Variants in LRIG2 observed in about 807,000 individuals in gnomAD.
The protein encoded by LRIG2 is leucine-rich repeats and immunoglobulin-like domains protein 2.
In LRIG2, 93 loss-of-function variants were observed where a neutral mutation model predicts 107.8. That is an observed-to-expected ratio of 0.86 (90% CI 0.73 to 1.03). The LOEUF is 1.03. Among genes scored for constraint, LRIG2 ranks in the 50% least tolerant of loss-of-function variants. The pLI is 0.00. For synonymous variants in LRIG2, 471 were observed against 470.6 expected (o/e 1.00, Z -0.01); for missense variants, 1,226 against 1,296.0 (o/e 0.95, Z 0.83).
At chr1:113,104,084 G>C (rs1654428058) in intron 11 of LRIG2, among the ~76,000 whole-genome samples, 1 of 152,122 alleles carries the variant, frequency 6.6e-6, no homozygotes, top group Non-Finnish European at 1.5e-5. Context: ...CCTCCTCCTT[G>C]TTGGACCTTT....
chr1:113,074,572 C>T (rs1022103392), intron 1 of LRIG2, among the ~76,000 whole-genome samples: 1 of 152,148 alleles, frequency 6.6e-6, no homozygotes, highest in Non-Finnish European at 1.5e-5. Flanking sequence ...AACTGAGCAG[C>T]ACGTTTATTA....
chr1:113,102,359 C>T (rs1654342331), intron 11 of LRIG2, among the ~76,000 whole-genome samples: 1 of 151,852 alleles, frequency 6.6e-6, no homozygotes, highest in South Asian at 2.1e-4. Context: ...ACCTCTGCCT[C>T]CCGGGTTCAA....
At chr1:113,117,083 C>T (rs1219986218) in intron 16 of LRIG2, among the ~76,000 whole-genome samples, 25 of 152,170 alleles carry the variant, frequency 1.6e-4, no homozygotes. Flanking sequence ...AACCTGACAT[C>T]CCAACACGTA....
chr1:113,123,724 T>G (rs1451383311), intron 17 of LRIG2, 151 bp from the exon 18 acceptor site: 2 of 573,930 alleles, frequency 3.5e-6, no homozygotes, highest in East Asian at 2.8e-5. Flanking sequence ...CTGGTGGTGG[T>G]TTTTGTGTGT....
At chr1:113,109,027 C>T (rs1654658966) in intron 12 of LRIG2, among the ~76,000 whole-genome samples, 1 of 152,142 alleles carries the variant, frequency 6.6e-6, no homozygotes, top group African/African-American at 2.4e-5. Context: ...TCACAATGTA[C>T]TTAAAGATGG....
In LRIG2 at chr1:113,073,387, C is replaced by A; in HGVS notation, c.-20C>A. On this transcript the variant is annotated 5_prime_UTR_variant, in exon 1 of 18. Coordinates refer to ENST00000361127, the MANE Select transcript of LRIG2 (RefSeq NM_014813.3). The stretch of plus-strand genomic sequence containing the variant: ...TCTAGCAGGCAGCTCTTCTAGGCCA[C>A]GTCCAGGTCGAGGGGGAAAATGGCG... 1 of 1,600,544 alleles carries A rather than the reference C, an allele frequency of 6.2e-7. No homozygotes were observed. Among genetic ancestry groups the A allele is most frequent in the Non-Finnish European group, 8.6e-7 (1 of 1,168,632 alleles).
chr1:113,119,628 G>T (rs1434553524), intron 17 of LRIG2, 105 bp downstream of exon 17: 2 of 961,102 alleles, frequency 2.1e-6, no homozygotes, highest in Non-Finnish European at 3.1e-6. Context: ...CAAGCAGATG[G>T]GTATATAGGA....
In LRIG2 at chr1:113,114,374, G is replaced by C. The variant is rs1400087208; in HGVS notation, c.2081-53G>C. The stretch of plus-strand genomic sequence containing the variant: ...TTGGTCTAATTCAGTAGAAATTAGG[G>C]AATAAAATTGCCTAACTTTTCATTT... On this transcript the variant is annotated intron_variant, in intron 14 of 17. Coordinates refer to ENST00000361127, the MANE Select transcript of LRIG2 (RefSeq NM_014813.3). The C allele has an allele frequency of 4.2e-6, 5 of 1,179,262 alleles. No homozygotes were observed. The African/African-American group carries it at 7.7e-5, about 18-fold the overall frequency. 73.0% of individuals were successfully genotyped at this position (1,179,262 alleles called of 1,614,324 possible). A position where few individuals can be genotyped will look rare whatever the true frequency, so the allele number is the denominator to read the frequency against.
chr1:113,123,115 G>T (rs1655331236), intron 17 of LRIG2, among the ~76,000 whole-genome samples: 1 of 152,180 alleles, frequency 6.6e-6, no homozygotes. Flanking sequence ...TGACATGCTA[G>T]GAGTTGGAAG....
At chr1:113,107,191 TC>T (rs1468814109) in intron 11 of LRIG2, among the ~76,000 whole-genome samples, 8 of 152,206 alleles carry the variant, frequency 5.3e-5, no homozygotes, top group African/African-American at 1.9e-4. Flanking sequence ...AAGTACATTT[TC>T]TAACGAAGAC....
At position 113,073,429 on chromosome 1, in the gene LRIG2, T is replaced by C; in HGVS notation, c.23T>C (p.Val8Ala). The change falls in exon 1 of 18, where the codon GTC (valine) becomes GCC (alanine). Residue 8 changes from valine (V) to alanine (A), a missense_variant. Val to Ala is a moderately conservative substitution (Grantham distance 64). Coordinates refer to ENST00000361127, the MANE Select transcript of LRIG2 (RefSeq NM_014813.3). ...AAAATGGCGCCGGCGCCCCTAGGCG[T>C]CCCGGAGGAGCAGTTGCTGGGGTGT... Reference protein sequence around the residue: MAPAPLGVPEEQLLGCRS... With the variant: MAPAPLGAPEEQLLGCRS... 1 of 1,613,982 alleles carries C rather than the reference T, an allele frequency of 6.2e-7. No homozygotes were observed. The highest frequency in any genetic ancestry group is 1.3e-5 in the African/African-American group (1 of 75,028).
chr1:113,093,090 A>G (rs1243690618), intron 2 of LRIG2, 116 bp from the exon 3 acceptor site: 1 of 648,240 alleles, frequency 1.5e-6, no homozygotes, highest in African/African-American at 1.9e-5. Context: ...ATTCTGAGTC[A>G]TATTCTTTTT....
intron 1 of LRIG2, 51 bp downstream of exon 1, chr1:113,073,696 C>T (rs774125446): frequency 1.3e-6 from 2 of 1,534,956 alleles, no homozygotes; most frequent in Non-Finnish European, 1.8e-6. Flanking sequence ...AGCCTTCCCT[C>T]TACAGGGGGC....
intron 17 of LRIG2, among the ~76,000 whole-genome samples, chr1:113,121,517 G>A (rs891272123): frequency 2.0e-5 from 3 of 152,190 alleles, no homozygotes; most frequent in African/African-American, 7.2e-5. Context: ...GCTGACACGG[G>A]TGGATCATGA....
At chr1:113,084,032 TAATAATAA>T (rs1319720107) in intron 1 of LRIG2, among the ~76,000 whole-genome samples, 56 of 143,504 alleles carry the variant, frequency 3.9e-4, no homozygotes, top group South Asian at 1.6e-3. Flanking sequence ...ATAATAATAA[TAATAATAA>T]TATTGGCCTT....
chr1:113,114,846 A>C lies in LRIG2; in HGVS notation c.2500A>C (p.Lys834Gln). 6.2e-7 allele frequency: 1 copy of C among 1,612,338 alleles called. No homozygotes were observed. Among genetic ancestry groups the C allele is most frequent in the South Asian group, 1.1e-5 (1 of 91,030 alleles). ...WVIVIYHMRR[K>Q]NEDYSITNTE... The stretch of plus-strand genomic sequence containing the variant: ...CATTGTTATTTACCACATGAGAAGG[A>C]AAAATGAAGACTATAGTATCACAAA... The change falls in exon 15 of 18, where the codon AAA (lysine) becomes CAA (glutamine). Residue 834 changes from lysine to glutamine, a missense_variant. Physicochemically the swap from Lys to Gln is moderately conservative, Grantham distance 53. Coordinates refer to ENST00000361127, the MANE Select transcript of LRIG2 (RefSeq NM_014813.3).
intron 2 of LRIG2, among the ~76,000 whole-genome samples, chr1:113,092,743 T>C (rs1300082817): frequency 4.6e-5 from 7 of 152,104 alleles, no homozygotes; most frequent in African/African-American, 1.7e-4. Flanking sequence ...GTAATCCCAG[T>C]ACTTTGGGAG....
chr1:113,081,237 T>C (rs1017573948), intron 1 of LRIG2, among the ~76,000 whole-genome samples: 5 of 152,098 alleles, frequency 3.3e-5, no homozygotes, highest in African/African-American at 1.2e-4. Flanking sequence ...CCACAAGTAA[T>C]CTTTCATTTT....
In LRIG2 at chr1:113,132,075, G is replaced by C. The variant is rs1441529148; in HGVS notation, c.*7974G>C. On this transcript the variant is annotated 3_prime_UTR_variant, in exon 18 of 18. Coordinates refer to ENST00000361127, the MANE Select transcript of LRIG2 (RefSeq NM_014813.3). ...TTTTTTCCCCTATTGGATAATACTA[G>C]TCTGAGCAGCCCTAATACTAGATGT... 2 of 151,084 alleles carry C rather than the reference G, an allele frequency of 1.3e-5. No individual in the cohort carries two copies. Among genetic ancestry groups the C allele is most frequent in the Non-Finnish European group, 2.9e-5 (2 of 67,940 alleles). The allele number at this position is 151,084 out of a possible 1,614,324, so 9.4% of individuals were successfully genotyped here. A position where few individuals can be genotyped will look rare whatever the true frequency, so the allele number is the denominator to read the frequency against.
Sources: allele counts gnomAD v4.1 joint callset (sites outside exome capture counted in the v4.1 genomes callset), GRCh38; gene constraint gnomAD v4.1.1; transcripts MANE v1.5; gene names NCBI Gene and HGNC (gene_info 2026-07-23, HGNC 2026-07-21).